Variants in TTC6 observed in about 807,000 individuals in gnomAD.
TTC6 encodes the protein tetratricopeptide repeat domain 6, also known as tetratricopeptide repeat protein 6.
Under a neutral mutation model 210.4 loss-of-function variants are expected in TTC6, and 172 were observed. The ratio of observed to expected loss-of-function variants is 0.82; its 90% confidence interval spans 0.72 to 0.93. The LOEUF (loss-of-function observed/expected upper bound fraction) is 0.93. TTC6 is among the 40% of genes least tolerant of loss of function. The pLI, the probability that TTC6 is intolerant of heterozygous loss-of-function variation, is 0.00. For missense variants in TTC6, 2,414 were observed against 2,318.1 expected, an observed-to-expected ratio of 1.04 and a Z score of -0.85; for synonymous variants, 804 against 819.6, an observed-to-expected ratio of 0.98 and a Z score of 0.32.
chr14:37,609,170 G>C (rs1290637802), intron 2 of TTC6, among the ~76,000 whole-genome samples: 1 of 152,052 alleles, frequency 6.6e-6, no homozygotes, highest in East Asian at 1.9e-4. Context: ...TGTAACCCAG[G>C]CACTTTGGGA....
rs113494638 is a variant in TTC6 at position 37,788,276 on chromosome 14, A to G, written c.3436+639A>G. 5.3e-5 allele frequency among the ~76,000 whole-genome samples: 8 copies of G among 152,274 alleles called. 1 individual carries two copies. Among genetic ancestry groups the G allele is most frequent in the African/African-American group, 1.9e-4 (8 of 41,552 alleles). ...CAGTGCTCAGTAAACAGCCTCCAAC[A>G]GAATGAATGAGTCCATCCTGACTGA... is the stretch of plus-strand genomic sequence containing the variant. On this transcript the variant is annotated intron_variant, in intron 15 of 30. Coordinates refer to ENST00000553443, the Ensembl canonical transcript of TTC6.
chr14:37,596,983 A>C (rs954932356), intron 1 of TTC6, among the ~76,000 whole-genome samples: 3 of 151,848 alleles, frequency 2.0e-5, no homozygotes, highest in Non-Finnish European at 4.4e-5. Context: ...GGAAATAAAA[A>C]AAGATAAAAG....
At chr14:37,705,864 A>AG (rs1187715687) in intron 5 of TTC6, among the ~76,000 whole-genome samples, 1 of 152,176 alleles carries the variant, frequency 6.6e-6, no homozygotes, top group East Asian at 1.9e-4. Context: ...GAAGATAGGA[A>AG]GGAGGAGGGG....
intron 1 of TTC6, among the ~76,000 whole-genome samples, chr14:37,629,516 T>C (rs995226395): frequency 6.6e-6 from 1 of 152,144 alleles, no homozygotes; most frequent in African/African-American, 2.4e-5. Flanking sequence ...GCTGAGAGGA[T>C]GGGGTTTTCT....
rs536290016 is a variant in TTC6 at position 37,675,419 on chromosome 14, G to T, written c.940-4732G>T. Reference sequence around the variant, plus strand: ...ACATCAGTACTTCATTAATTTTGTTGGTTGAATGGTATTCCATTGTATGGA... The same window carrying T: ...ACATCAGTACTTCATTAATTTTGTTTGTTGAATGGTATTCCATTGTATGGA... On this transcript the variant is annotated intron_variant, in intron 1 of 30. Transcript: ENST00000553443. Among the ~76,000 whole-genome samples the T allele has an allele frequency of 1.4e-4, 22 of 152,108 alleles. No individual in the cohort carries two copies. The South Asian group carries it at 4.4e-3, about 30-fold the overall frequency.
intron 1 of TTC6, among the ~76,000 whole-genome samples, chr14:37,656,441 C>CT (rs2095723115): frequency 6.6e-6 from 1 of 152,000 alleles, no homozygotes; most frequent in South Asian, 2.1e-4. Context: ...GCTTCAAACT[C>CT]TAAACAATTT....
At chr14:37,820,028 A>G (rs941233263) in intron 26 of TTC6, among the ~76,000 whole-genome samples, 1 of 152,208 alleles carries the variant, frequency 6.6e-6, no homozygotes, top group Non-Finnish European at 1.5e-5. Flanking sequence ...TTTATATCTC[A>G]TTGAACGTGT....
At chr14:37,800,579 C>T (rs1177340841) in intron 20 of TTC6, among the ~76,000 whole-genome samples, 2 of 152,158 alleles carry the variant, frequency 1.3e-5, no homozygotes, top group Non-Finnish European at 2.9e-5. Context: ...TTCAGTCACA[C>T]TAGTTCTTTT....
intron 1 of TTC6, among the ~76,000 whole-genome samples, chr14:37,602,993 C>T (rs1378316620): frequency 1.3e-5 from 2 of 152,282 alleles, no homozygotes; most frequent in East Asian, 3.9e-4. Flanking sequence ...GAAGTAGTTT[C>T]AATAAATAAA....
At chr14:37,710,328 T>C (rs555196282) in intron 5 of TTC6, among the ~76,000 whole-genome samples, 269 of 152,276 alleles carry the variant, frequency 1.8e-3, no homozygotes, top group African/African-American at 5.9e-3. Flanking sequence ...GTCACCTTTA[T>C]GTAACTCATA....
At chr14:37,616,330 A>G (rs933768995) in intron 2 of TTC6, among the ~76,000 whole-genome samples, 1 of 152,146 alleles carries the variant, frequency 6.6e-6, no homozygotes, top group Non-Finnish European at 1.5e-5. Flanking sequence ...TGTTTTTGAC[A>G]CTTGCACTAT....
At position 37,648,771 on chromosome 14, in the gene TTC6, C is replaced by T. The variant is rs111915933; in HGVS notation, c.939+25768C>T. Among the ~76,000 whole-genome samples the T allele has an allele frequency of 7.6e-3, 1,153 of 152,254 alleles. 6 individuals are homozygous for T. The highest frequency in any genetic ancestry group is 0.044 in the Middle Eastern group (13 of 294). ...GATGTTAATTCCAACAATCCCCCAG[C>T]TCAGTTTTGTGACTCATGTATTTCT... On this transcript the variant is annotated intron_variant, in intron 1 of 30. Transcript: ENST00000553443.
intron 25 of TTC6, among the ~76,000 whole-genome samples, chr14:37,813,336 AC>A (rs2096134043): frequency 6.6e-6 from 1 of 152,156 alleles, no homozygotes; most frequent in Non-Finnish European, 1.5e-5. Context: ...ACTAGGTATA[AC>A]CTCAGGTAGA....
intron 1 of TTC6, among the ~76,000 whole-genome samples, chr14:37,677,407 T>C (rs1380559196): frequency 6.6e-6 from 1 of 152,138 alleles, no homozygotes; most frequent in Non-Finnish European, 1.5e-5. Flanking sequence ...CCTACAACTT[T>C]AGTGAATTAG....
intron 7 of TTC6, among the ~76,000 whole-genome samples, chr14:37,734,418 C>T (rs1326634820): frequency 6.6e-6 from 1 of 152,164 alleles, no homozygotes; most frequent in Admixed American, 6.5e-5. Context: ...TTTTGGCAAA[C>T]ATACTGAGAA....
chr14:37,815,314 T>C (rs963509191), intron 25 of TTC6, among the ~76,000 whole-genome samples: 1 of 152,098 alleles, frequency 6.6e-6, no homozygotes, highest in African/African-American at 2.4e-5. Context: ...ACCAGTTTCA[T>C]GGAAGATAAT....
Position 37,841,682 on chromosome 14 carries a change from G to A in TTC6, c.5524+12G>A, listed in dbSNP as rs759517121. On this transcript the variant is annotated intron_variant, in intron 30 of 30. Transcript: ENST00000553443. ...AGACCTTAATAAAGGTACACTTTTGGTAATTATTCTGGTAAGATTACAGTG... is the reference window on the plus strand; with the variant it reads ...AGACCTTAATAAAGGTACACTTTTGATAATTATTCTGGTAAGATTACAGTG... The A allele has an allele frequency of 2.5e-6, 4 of 1,582,848 alleles. No homozygotes were observed. Among genetic ancestry groups the A allele is most frequent in the Non-Finnish European group, 2.6e-6 (3 of 1,162,316 alleles).
At chr14:37,671,892 T>C (rs2095758947) in intron 1 of TTC6, among the ~76,000 whole-genome samples, 1 of 152,152 alleles carries the variant, frequency 6.6e-6, no homozygotes, top group South Asian at 2.1e-4. Context: ...TCCTGTGTGC[T>C]CACACTGCCC....
chr14:37,790,076 T>A (rs2096076064), intron 15 of TTC6, among the ~76,000 whole-genome samples: 1 of 152,072 alleles, frequency 6.6e-6, no homozygotes, highest in Non-Finnish European at 1.5e-5. Flanking sequence ...CCTGGATTAC[T>A]GAGAGGAGGT....
Sources: gnomAD v4.1 joint callset for allele counts (sites outside exome capture counted in the v4.1 genomes callset) on GRCh38, gnomAD v4.1.1 for gene constraint, MANE v1.5 for transcripts, NCBI Gene and HGNC (gene_info 2026-07-23, HGNC 2026-07-21) for gene names.